The following CEMIP2 variants were observed in gnomAD, a reference collection of about 807,000 sequenced individuals.
CEMIP2 encodes the protein cell migration inducing hyaluronidase 2.
In CEMIP2, 79 loss-of-function variants were observed where a neutral mutation model predicts 146.9. That is an observed-to-expected ratio of 0.54 (90% confidence interval 0.45 to 0.65). CEMIP2 has a LOEUF of 0.65. Ranked by LOEUF, CEMIP2 falls within the 30% of genes least tolerant of loss-of-function variation. The pLI is 0.00. For synonymous variants in CEMIP2, 601 were observed against 606.3 expected (o/e 0.99, Z 0.13); for missense variants, 1,596 against 1,696.2 (o/e 0.94, Z 1.04).
At chr9:71,743,765 T>A (rs1427221630) in intron 4 of CEMIP2, among the ~76,000 whole-genome samples, 1 of 152,190 alleles carries the variant, frequency 6.6e-6, no homozygotes, top group African/African-American at 2.4e-5. Context: ...CTCCTAAATA[T>A]CCCCTACATG....
intron 19 of CEMIP2, among the ~76,000 whole-genome samples, chr9:71,700,036 GAGA>G (rs1822515719): frequency 6.6e-6 from 1 of 152,194 alleles, no homozygotes; most frequent in Non-Finnish European, 1.5e-5. Context: ...TCTGCGTGAG[GAGA>G]AAGGCTGAAG....
chr9:71,685,171 C>T lies in CEMIP2; in HGVS notation c.*26G>A. The T allele has an allele frequency of 6.5e-7, 1 of 1,546,054 alleles. No individual in the cohort carries two copies. Among genetic ancestry groups the T allele is most frequent in the Non-Finnish European group, 8.8e-7 (1 of 1,142,802 alleles). On this transcript the variant is annotated 3_prime_UTR_variant, in exon 24 of 24. Transcript: ENST00000377044. The stretch of plus-strand genomic sequence containing the variant: ...ATAAGTTAGTTCACATTTTTTTTCC[C>T]CCAGCACTTAAGTTACAGTTAGTCT...
chr9:71,685,628 T>C, intron 23 of CEMIP2, 115 bp downstream of exon 23: 1 of 916,810 alleles, frequency 1.1e-6, no homozygotes, highest in South Asian at 1.7e-5. Context: ...ATCATCTTAA[T>C]GATACCCACT....
At chr9:71,729,996 C>T in intron 9 of CEMIP2, 52 bp downstream of exon 9, 1 of 1,613,296 alleles carries the variant, frequency 6.2e-7, no homozygotes, top group Non-Finnish European at 8.5e-7. Flanking sequence ...AACCTCTTCC[C>T]CAAAAGTCAA....
chr9:71,737,136 A>G (rs1823782018), intron 5 of CEMIP2, among the ~76,000 whole-genome samples: 2 of 148,514 alleles, frequency 1.3e-5, no homozygotes, highest in South Asian at 4.4e-4. Context: ...AGCCTGGGAG[A>G]CAAGAGTAAG....
At chr9:71,695,913 T>C (rs1439532651) in intron 20 of CEMIP2, among the ~76,000 whole-genome samples, 1 of 152,018 alleles carries the variant, frequency 6.6e-6, no homozygotes, top group African/African-American at 2.4e-5. Flanking sequence ...CCCAGGACTT[T>C]GAGACCAGCC....
intron 12 of CEMIP2, 30 bp from the exon 13 acceptor site, chr9:71,718,109 TATAAC>T (rs768762357): frequency 4.4e-6 from 7 of 1,585,170 alleles, no homozygotes; most frequent in Non-Finnish European, 3.4e-6. Flanking sequence ...TTTTAAAAAA[TATAAC>T]ATAAAAGCCA....
chr9:71,740,158 T>A lies in CEMIP2; in HGVS notation c.1109A>T (p.Asn370Ile). 1 of 1,614,074 alleles carries A rather than the reference T, an allele frequency of 6.2e-7. No individual in the cohort carries two copies. The highest frequency in any genetic ancestry group is 8.5e-7 in the Non-Finnish European group (1 of 1,180,020). ...SCNESVRNYE[N>I]HSSGGKALAQ... ...AAGAGCCTTCCCGCCACTGCTATGA[T>A]TTTCATAGTTTCTCACGGATTCATT... The change falls in exon 5 of 24, where the codon AAT (asparagine) becomes ATT (isoleucine). Residue 370 changes from asparagine to isoleucine, a missense_variant. Transcript: ENST00000377044.
At chr9:71,697,726 A>G (rs1326785133) in intron 20 of CEMIP2, 2 of 414,928 alleles carry the variant, frequency 4.8e-6, no homozygotes, top group African/African-American at 4.0e-5. Flanking sequence ...CCAACATAGC[A>G]ACCTCTAATT....
rs77361296 is a variant in CEMIP2 at position 71,694,099 on chromosome 9, T to TTTTATTTATTTA, written c.3696+398_3696+409dup. On this transcript the variant is annotated intron_variant, in intron 21 of 23. Coordinates refer to ENST00000377044, the MANE Select transcript of CEMIP2 (RefSeq NM_013390.3). ...TGAGAAATAAATTTCTGTTGTTTAT[T>TTTTATTTATTTA]TTTATTTATTTATTTATTTATTTAT... 1.4e-3 allele frequency among the ~76,000 whole-genome samples: 198 copies of TTTTATTTATTTA among 145,586 alleles called. 2 individuals carry two copies. Among genetic ancestry groups the TTTTATTTATTTA allele is most frequent in the East Asian group, 9.8e-3 (48 of 4,908 alleles).
At chr9:71,753,634 T>C (rs918656351) in intron 1 of CEMIP2, among the ~76,000 whole-genome samples, 1 of 152,172 alleles carries the variant, frequency 6.6e-6, no homozygotes, top group African/African-American at 2.4e-5. Context: ...GCACCATGTA[T>C]TAGAATAAAA....
At chr9:71,762,836 C>T (rs966125918) in intron 1 of CEMIP2, among the ~76,000 whole-genome samples, 1 of 151,944 alleles carries the variant, frequency 6.6e-6, no homozygotes, top group South Asian at 2.1e-4. Flanking sequence ...CATGGTGAAA[C>T]CCTATCTCTA....
intron 1 of CEMIP2, among the ~76,000 whole-genome samples, chr9:71,759,954 G>A (rs947120641): frequency 8.0e-5 from 12 of 150,894 alleles, no homozygotes; most frequent in Non-Finnish European, 7.4e-5. Context: ...ATATATTGCG[G>A]TGAAGTATTT....
rs1303353479 is a variant in CEMIP2, at chr9:71,683,477, A to G, written c.*1720T>C. The G allele has an allele frequency of 6.6e-6, 1 of 151,754 alleles. No individual in the cohort carries two copies. Among genetic ancestry groups the G allele is most frequent in the African/African-American group, 2.4e-5 (1 of 41,216 alleles). 9.4% of individuals were successfully genotyped at this position (151,754 alleles called of 1,614,324 possible). A position where few individuals can be genotyped will look rare whatever the true frequency, so the allele number is the denominator to read the frequency against. On this transcript the variant is annotated 3_prime_UTR_variant, in exon 24 of 24. Coordinates refer to ENST00000377044, the MANE Select transcript of CEMIP2 (RefSeq NM_013390.3). Reference sequence around the variant, plus strand: ...CATATCTTCTCCAAATCTTTAAAGAACCAAGCTCTAAAAAACACACGTAAA... The same window carrying G: ...CATATCTTCTCCAAATCTTTAAAGAGCCAAGCTCTAAAAAACACACGTAAA...
At chr9:71,728,250 T>TATACACGTATATATATATATATATATAC (rs1564012216) in intron 10 of CEMIP2, among the ~76,000 whole-genome samples, 1 of 23,444 alleles carries the variant, frequency 4.3e-5, no homozygotes, top group African/African-American at 9.3e-5. Context: ...TATATATATA[T>TATACACGTATATATATATATATATATAC]GTATATACAC....
chr9:71,692,923 G>GACAACAACA (rs142273515), intron 21 of CEMIP2, among the ~76,000 whole-genome samples: 3,131 of 150,870 alleles, frequency 0.021, 51 homozygotes, highest in South Asian at 0.047. Context: ...ACAAACAAAC[G>GACAACAACA]ACAACAACAA....
intron 4 of CEMIP2, among the ~76,000 whole-genome samples, 170 bp downstream of exon 4, chr9:71,744,848 G>T (rs1171979425): frequency 6.6e-6 from 1 of 152,162 alleles, no homozygotes; most frequent in African/African-American, 2.4e-5. Flanking sequence ...GCTTTTGTAT[G>T]TGGTGTCCTA....
In CEMIP2 at chr9:71,740,094, G is replaced by A; in HGVS notation, c.1173C>T (p.Phe391=). The A allele has an allele frequency of 4.3e-6, 7 of 1,613,946 alleles. No individual in the cohort carries two copies. Among genetic ancestry groups the A allele is most frequent in the Non-Finnish European group, 5.9e-6 (7 of 1,180,002 alleles). Residue 391 remains phenylalanine (F), a synonymous_variant, in exon 5 of 24, where the codon TTC becomes TTT. Transcript: ENST00000377044. ...TCCATTCACTATAAGCTGTCACAGAGAACTTCTGGCCATCCACAGTATAAA... is the reference window on the plus strand; with the variant it reads ...TCCATTCACTATAAGCTGTCACAGAAAACTTCTGGCCATCCACAGTATAAA... ...REFYTVDGQK[F]SVTAYSEWIE...
rs758921939 is a variant in CEMIP2, at chr9:71,704,581, T to C, written c.3194+14A>G. Reference sequence around the variant, plus strand: ...CTTGCTCAACTATTTGAAATAACAGTAACAGAAACATACTTGTTGAAGTTG... The same window carrying C: ...CTTGCTCAACTATTTGAAATAACAGCAACAGAAACATACTTGTTGAAGTTG... On this transcript the variant is annotated intron_variant, in intron 18 of 23. Transcript: ENST00000377044. The C allele has an allele frequency of 1.9e-6, 3 of 1,613,462 alleles. No homozygotes were observed. The highest frequency in any genetic ancestry group is 2.5e-6 in the Non-Finnish European group (3 of 1,179,342).
Sources: gnomAD v4.1 joint callset for allele counts (sites outside exome capture counted in the v4.1 genomes callset) on GRCh38, gnomAD v4.1.1 for gene constraint, MANE v1.5 for transcripts, NCBI Gene and HGNC (gene_info 2026-07-23, HGNC 2026-07-21) for gene names.